TRABD2A: variants seen among roughly 807,000 people sequenced by gnomAD.
The protein encoded by TRABD2A is metalloprotease TIKI1.
TRABD2A carries 43 observed loss-of-function variants against 45.6 expected under a neutral mutation model. That is an observed-to-expected ratio of 0.94 (90% CI 0.74 to 1.22). TRABD2A has a LOEUF of 1.22. Among genes scored for constraint, TRABD2A ranks in the 50% most tolerant of loss-of-function variants. The pLI, the probability that TRABD2A is intolerant of heterozygous loss-of-function variation, is 0.00. For synonymous variants in TRABD2A, 269 were observed against 265.0 expected (o/e 1.02, Z -0.15); for missense variants, 642 against 652.4 (o/e 0.98, Z 0.17).
chr2:84,824,379 T>C (rs1681089537), intron 5 of TRABD2A, among the ~76,000 whole-genome samples, 175 bp from the exon 6 acceptor site: 1 of 151,876 alleles, frequency 6.6e-6, no homozygotes, highest in Non-Finnish European at 1.5e-5. Context: ...ATTTATCTCT[T>C]TGACGCCTTT....
chr2:84,878,381 C>T (rs562186494), intron 1 of TRABD2A, among the ~76,000 whole-genome samples: 63 of 152,052 alleles, frequency 4.1e-4, no homozygotes, highest in African/African-American at 1.5e-3. Context: ...AAAAATTAGC[C>T]GGGCTTGGTG....
At chr2:84,861,704 G>A (rs1682505323) in intron 2 of TRABD2A, among the ~76,000 whole-genome samples, 1 of 152,198 alleles carries the variant, frequency 6.6e-6, no homozygotes, top group African/African-American at 2.4e-5. Context: ...AGAGCACAGA[G>A]CATCCCAGAG....
At chr2:84,829,139 G>A (rs1234586277) in intron 5 of TRABD2A, among the ~76,000 whole-genome samples, 1 of 152,044 alleles carries the variant, frequency 6.6e-6, no homozygotes, top group East Asian at 1.9e-4. Flanking sequence ...TTGCGGGCTG[G>A]TTTTGAGAAT....
intron 2 of TRABD2A, among the ~76,000 whole-genome samples, chr2:84,857,450 T>C (rs1004796762): frequency 3.3e-5 from 5 of 152,108 alleles, no homozygotes; most frequent in Non-Finnish European, 7.4e-5. Flanking sequence ...AAAAGCACAA[T>C]AAAGCTAATA....
intron 3 of TRABD2A, among the ~76,000 whole-genome samples, chr2:84,840,701 C>T (rs1429652189): frequency 6.6e-6 from 1 of 152,080 alleles, no homozygotes; most frequent in Non-Finnish European, 1.5e-5. Flanking sequence ...TGACTTTTCT[C>T]CCCCCTTCCC....
intron 3 of TRABD2A, among the ~76,000 whole-genome samples, chr2:84,840,391 G>A (rs1274841599): frequency 6.6e-6 from 1 of 152,056 alleles, no homozygotes; most frequent in Non-Finnish European, 1.5e-5. Context: ...GGCAGCGTCA[G>A]ATACACAGGG....
chr2:84,877,701 G>A (rs1489194989), intron 1 of TRABD2A, among the ~76,000 whole-genome samples: 2 of 152,210 alleles, frequency 1.3e-5, no homozygotes, highest in Non-Finnish European at 2.9e-5. Flanking sequence ...ACAGACACCT[G>A]TGTAGTCCAT....
chr2:84,861,368 G>A (rs2105399904), intron 2 of TRABD2A, among the ~76,000 whole-genome samples: 1 of 152,244 alleles, frequency 6.6e-6, no homozygotes. Context: ...TCCCATCTGG[G>A]AGTGTTGGGG....
At chr2:84,846,709 G>A (rs1235669577) in intron 2 of TRABD2A, among the ~76,000 whole-genome samples, 4 of 152,350 alleles carry the variant, frequency 2.6e-5, no homozygotes, top group Admixed American at 2.0e-4. Flanking sequence ...GCTGAGATGT[G>A]GGGAAGTCTC....
chr2:84,861,285 T>C (rs1682489338), intron 2 of TRABD2A, among the ~76,000 whole-genome samples: 1 of 152,124 alleles, frequency 6.6e-6, no homozygotes, highest in Admixed American at 6.5e-5. Context: ...TAATATCTAA[T>C]AAAAGAATTC....
chr2:84,863,307 C>G (rs1159831797), intron 2 of TRABD2A, among the ~76,000 whole-genome samples: 1 of 140,330 alleles, frequency 7.1e-6, no homozygotes, highest in East Asian at 2.1e-4. Context: ...TGCAGTGGCG[C>G]AATCTCGGCT....
intron 6 of TRABD2A, among the ~76,000 whole-genome samples, chr2:84,823,746 G>A (rs548926376): frequency 6.6e-6 from 1 of 152,222 alleles, no homozygotes; most frequent in East Asian, 1.9e-4. Context: ...GCATAAACAT[G>A]TTGCCCTTGC....
chr2:84,874,500 T>C (rs114504979), intron 1 of TRABD2A, among the ~76,000 whole-genome samples: 139 of 152,328 alleles, frequency 9.1e-4, no homozygotes, highest in African/African-American at 3.2e-3. Context: ...CCAATTGCTG[T>C]GGAGAACATG....
intron 2 of TRABD2A, among the ~76,000 whole-genome samples, chr2:84,850,428 G>T (rs143513703): frequency 6.6e-6 from 1 of 152,096 alleles, no homozygotes. Context: ...GATGGTGGTG[G>T]TCCTACCCTG....
In TRABD2A at chr2:84,880,999, A is replaced by G; in HGVS notation, c.41T>C (p.Leu14Pro). ...WSWFLLQTLC[L>P]LPTGAASRRG... ...CCGCGAAGCTGCGCCCGTGGGCAGGAGGCAGAGGGTCTGCAGCAGGAACCA... is the reference window on the plus strand; with the variant it reads ...CCGCGAAGCTGCGCCCGTGGGCAGGGGGCAGAGGGTCTGCAGCAGGAACCA... The change falls in exon 1 of 7, where the codon CTC becomes CCC. Residue 14 changes from leucine (L) to proline (P), a missense_variant. Coordinates refer to ENST00000409520, the MANE Select transcript of TRABD2A (RefSeq NM_001277053.2). The G allele has an allele frequency of 1.2e-6, 2 of 1,606,012 alleles. No individual in the cohort carries two copies. Among genetic ancestry groups the G allele is most frequent in the Middle Eastern group, 1.7e-4 (1 of 5,906 alleles).
intron 1 of TRABD2A, among the ~76,000 whole-genome samples, chr2:84,879,940 T>C (rs371010828): frequency 4.3e-4 from 66 of 152,044 alleles, no homozygotes; most frequent in African/African-American, 1.4e-3. Flanking sequence ...GCTGCGCAGG[T>C]GTCATCAAAG....
At position 84,852,916 on chromosome 2, in the gene TRABD2A, G is replaced by A. The variant is rs954327916; in HGVS notation, c.670-10909C>T. The stretch of plus-strand genomic sequence containing the variant: ...GTAAAGGTCACTGCAGGACACAGAA[G>A]ACAGGTCAATCTGAAAATCATCTCC... On this transcript the variant is annotated intron_variant, in intron 2 of 6. Coordinates refer to ENST00000409520, the MANE Select transcript of TRABD2A (RefSeq NM_001277053.2). Among the ~76,000 whole-genome samples the A allele has an allele frequency of 2.6e-5, 4 of 152,256 alleles. No individual in the cohort carries two copies. The South Asian group carries it at 6.2e-4, about 24-fold the overall frequency.
chr2:84,860,279 C>T (rs573283337), intron 2 of TRABD2A, among the ~76,000 whole-genome samples: 56 of 152,282 alleles, frequency 3.7e-4, no homozygotes, highest in African/African-American at 1.3e-3. Context: ...ATCCATCCCC[C>T]CATACCTCTG....
At chr2:84,863,753 A>T (rs971421362) in intron 2 of TRABD2A, among the ~76,000 whole-genome samples, 3 of 151,808 alleles carry the variant, frequency 2.0e-5, no homozygotes, top group Admixed American at 6.6e-5. Flanking sequence ...CTGGGACAAC[A>T]GGCGCCCGCC....
Sources: allele counts gnomAD v4.1 joint callset (sites outside exome capture counted in the v4.1 genomes callset), GRCh38; gene constraint gnomAD v4.1.1; transcripts MANE v1.5; gene names NCBI Gene and HGNC (gene_info 2026-07-23, HGNC 2026-07-21).